The following NDFIP2 variants were observed in gnomAD, a reference collection of about 807,000 sequenced individuals.
NDFIP2 encodes NEDD4 family-interacting protein 2.
A neutral mutation model predicts 36.0 loss-of-function variants in NDFIP2; 19 were observed. The ratio of observed to expected loss-of-function variants is 0.53; its 90% CI spans 0.37 to 0.77. The LOEUF (loss-of-function observed/expected upper bound fraction) is 0.77, where lower values mean the gene tolerates loss of function less well. Ranked by LOEUF, NDFIP2 falls within the 30% of genes least tolerant of loss-of-function variation. The probability of loss-of-function intolerance (pLI) is 0.00; values close to 1 mark genes in which losing one functional copy is unlikely to be tolerated. For missense variants in NDFIP2, 446 were observed against 435.8 expected (o/e 1.02, Z -0.21); for synonymous variants, 181 against 167.7 (o/e 1.08, Z -0.61).
In NDFIP2 at chr13:79,551,029, T is replaced by C; in HGVS notation, c.920T>C (p.Phe307Ser). Residue 307 changes from phenylalanine to serine, a missense_variant, in exon 7 of 8, where the codon TTC (phenylalanine) becomes TCC (serine). By Grantham distance (155) the Phe-to-Ser change is radical. Transcript: ENST00000218652. ...WIFLVLGLLL[F>S]FRGFVNYLKV... is the part of the protein sequence containing the mutation. Reference sequence around the variant, plus strand: ...TCAACCTTCTCAGGCCTGCTCCTTTTCTTCAGAGGATTTGTTAATTATCTA... The same window carrying C: ...TCAACCTTCTCAGGCCTGCTCCTTTCCTTCAGAGGATTTGTTAATTATCTA... 1 of 1,597,670 alleles carries C rather than the reference T, an allele frequency of 6.3e-7. No individual in the cohort carries two copies. The highest frequency in any genetic ancestry group is 8.5e-7 in the Non-Finnish European group (1 of 1,171,394).
At chr13:79,506,181 A>C (rs1873859608) in intron 1 of NDFIP2, among the ~76,000 whole-genome samples, 1 of 152,198 alleles carries the variant, frequency 6.6e-6, no homozygotes, top group African/African-American at 2.4e-5. Flanking sequence ...ACTTGGAAAA[A>C]ATACAGAAGA....
At chr13:79,537,266 T>C (rs1331201197) in intron 3 of NDFIP2, among the ~76,000 whole-genome samples, 1 of 151,812 alleles carries the variant, frequency 6.6e-6, no homozygotes, top group African/African-American at 2.4e-5. Context: ...CGCCACCACA[T>C]CTGGTTAATT....
In NDFIP2 at chr13:79,496,580, C is replaced by T. The variant is rs576840746; in HGVS notation, c.321+15056C>T. Among the ~76,000 whole-genome samples, 138 of 151,894 alleles carry T rather than the reference C, an allele frequency of 9.1e-4. 1 individual carries two copies. The highest frequency in any genetic ancestry group is 9.0e-4 in the Non-Finnish European group (61 of 67,846). ...TAAAGTTGAATTTGTAAATTGACTT[C>T]TTTTACTAATGTGAGGAATTATGGC... On this transcript the variant is annotated intron_variant, in intron 1 of 7. Coordinates refer to ENST00000218652, the MANE Select transcript of NDFIP2 (RefSeq NM_019080.3).
chr13:79,543,124 G>A (rs1436585849), intron 4 of NDFIP2, among the ~76,000 whole-genome samples: 2 of 152,096 alleles, frequency 1.3e-5, no homozygotes, highest in African/African-American at 2.4e-5. Context: ...TGATCCCCCT[G>A]CCTTGGCCTC....
At chr13:79,507,861 T>C (rs1404144914) in intron 1 of NDFIP2, among the ~76,000 whole-genome samples, 1 of 152,078 alleles carries the variant, frequency 6.6e-6, no homozygotes, top group Non-Finnish European at 1.5e-5. Context: ...AAATAAAGTT[T>C]TACATTCTAT....
intron 6 of NDFIP2, among the ~76,000 whole-genome samples, chr13:79,550,187 GT>G (rs1875850419): frequency 1.3e-5 from 2 of 151,648 alleles, no homozygotes; most frequent in African/African-American, 4.8e-5. Context: ...ATATGCTTAA[GT>G]ATTTCAAAGG....
chr13:79,544,156 G>C (rs536057192), intron 5 of NDFIP2, among the ~76,000 whole-genome samples: 40 of 152,244 alleles, frequency 2.6e-4, no homozygotes, highest in Non-Finnish European at 4.9e-4. Context: ...TTCTCGTTTA[G>C]TCACATTATC....
chr13:79,547,761 A>G (rs1296575041), intron 5 of NDFIP2, among the ~76,000 whole-genome samples: 1 of 152,124 alleles, frequency 6.6e-6, no homozygotes, highest in Non-Finnish European at 1.5e-5. Flanking sequence ...TCTGTTGGGA[A>G]CTGAATGCTA....
chr13:79,497,795 GGTGTGT>G (rs769463873), intron 1 of NDFIP2, among the ~76,000 whole-genome samples: 26 of 128,992 alleles, frequency 2.0e-4, no homozygotes, highest in Non-Finnish European at 3.5e-4. Context: ...ATCTGTGGGG[GGTGTGT>G]GTGTGTGTGT....
At chr13:79,485,016 C>CA (rs969730920) in intron 1 of NDFIP2, among the ~76,000 whole-genome samples, 1 of 151,926 alleles carries the variant, frequency 6.6e-6, no homozygotes, top group Non-Finnish European at 1.5e-5. Flanking sequence ...CGGTTTCTGG[C>CA]AAAAAAGAGG....
chr13:79,505,639 A>C (rs1030825481), intron 1 of NDFIP2, among the ~76,000 whole-genome samples: 1 of 151,922 alleles, frequency 6.6e-6, no homozygotes, highest in African/African-American at 2.4e-5. Flanking sequence ...AAAAAAAAAA[A>C]AAACCCAAAA....
At chr13:79,518,921 A>G (rs537574983) in intron 1 of NDFIP2, 1 of 152,044 alleles carries the variant, frequency 6.6e-6, no homozygotes, top group Non-Finnish European at 1.5e-5. Flanking sequence ...TGATTCTCCC[A>G]CCTCAGCCTC....
intron 6 of NDFIP2, among the ~76,000 whole-genome samples, chr13:79,549,553 G>A (rs749574505): frequency 3.3e-5 from 5 of 151,918 alleles, no homozygotes; most frequent in Admixed American, 6.6e-5. Context: ...TGTAATCAGT[G>A]ATAAAAATGT....
intron 1 of NDFIP2, among the ~76,000 whole-genome samples, chr13:79,520,248 G>A (rs534092833): frequency 1.1e-4 from 17 of 152,186 alleles, no homozygotes; most frequent in Non-Finnish European, 2.2e-4. Flanking sequence ...AGGCTCATAA[G>A]TAGGAAGAGA....
Position 79,552,893 on chromosome 13 carries a change from A to G in NDFIP2, c.*380A>G, listed in dbSNP as rs1875959433. 1 of 151,886 alleles carries G rather than the reference A, an allele frequency of 6.6e-6. No homozygotes were observed. The highest frequency in any genetic ancestry group is 6.6e-5 in the Admixed American group (1 of 15,192). 9.4% of individuals were successfully genotyped at this position (151,886 alleles called of 1,614,324 possible). On this transcript the variant is annotated 3_prime_UTR_variant, in exon 8 of 8. Transcript: ENST00000218652. ...GCCATTGACTTCTGACCTGACATTT[A>G]GTATAATAAAAATGAAATTCTTAAC...
At chr13:79,482,404 C>T (rs1300474868) in intron 1 of NDFIP2, among the ~76,000 whole-genome samples, 1 of 151,860 alleles carries the variant, frequency 6.6e-6, no homozygotes. Context: ...TTGGAGATTC[C>T]TGTTGTAAAC....
At position 79,520,991 on chromosome 13, in the gene NDFIP2, T is replaced by TA; in HGVS notation, c.487+18dup. Reference sequence around the variant, plus strand: ...ACAACTTCAGGTATGAAACATCTAGTAATGTTTTTATTAGTTCTTTTTTTT... The same window carrying TA: ...ACAACTTCAGGTATGAAACATCTAGTAAATGTTTTTATTAGTTCTTTTTTTT... On this transcript the variant is annotated intron_variant, in intron 2 of 7. Transcript: ENST00000218652. 6.4e-7 allele frequency: 1 copy of TA among 1,557,188 alleles called. No homozygotes were observed. The highest frequency in any genetic ancestry group is 8.7e-7 in the Non-Finnish European group (1 of 1,150,300).
intron 2 of NDFIP2, among the ~76,000 whole-genome samples, chr13:79,531,853 T>TA (rs1875030143): frequency 6.6e-6 from 1 of 152,260 alleles, no homozygotes; most frequent in African/African-American, 2.4e-5. Flanking sequence ...ATGTGTTCAC[T>TA]GTAGTAGCAC....
chr13:79,503,924 T>G (rs1248859779), intron 1 of NDFIP2, among the ~76,000 whole-genome samples: 2 of 152,192 alleles, frequency 1.3e-5, no homozygotes, highest in East Asian at 3.8e-4. Context: ...CAAGAAAATT[T>G]TCCTTGTCTT....
Sources: gnomAD v4.1 joint callset for allele counts (sites outside exome capture counted in the v4.1 genomes callset) on GRCh38, gnomAD v4.1.1 for gene constraint, MANE v1.5 for transcripts, NCBI Gene and HGNC (gene_info 2026-07-23, HGNC 2026-07-21) for gene names.